The following RASAL2 variants were observed in gnomAD, a reference collection of about 807,000 sequenced individuals.
RASAL2 encodes the protein ras GTPase-activating protein nGAP.
Under a neutral mutation model 128.9 loss-of-function variants are expected in RASAL2, and 58 were observed. The ratio of observed to expected loss-of-function variants is 0.45; its 90% CI spans 0.36 to 0.56. The LOEUF (loss-of-function observed/expected upper bound fraction) is 0.56, where lower values mean the gene tolerates loss of function less well. Ranked by LOEUF, RASAL2 falls within the 20% of genes least tolerant of loss-of-function variation. The probability of loss-of-function intolerance (pLI) is 0.00; values close to 1 mark genes in which losing one functional copy is unlikely to be tolerated. For synonymous variants in RASAL2, 561 were observed against 580.8 expected (o/e 0.97, Z 0.49); for missense variants, 1,360 against 1,601.6 (o/e 0.85, Z 2.57).
At chr1:178,292,896 G>C (rs890674099) in intron 2 of RASAL2, among the ~76,000 whole-genome samples, 11 of 152,118 alleles carry the variant, frequency 7.2e-5, no homozygotes, top group African/African-American at 2.7e-4. Context: ...TTTAAGGCTG[G>C]ATTCTGGTGT....
chr1:178,326,493 A>C (rs1189399046), intron 3 of RASAL2, among the ~76,000 whole-genome samples: 1 of 152,136 alleles, frequency 6.6e-6, no homozygotes, highest in East Asian at 1.9e-4. Flanking sequence ...TTCAGAATTG[A>C]TTATTGTACT....
chr1:178,137,286 T>C (rs2102321647), intron 1 of RASAL2, among the ~76,000 whole-genome samples: 1 of 152,268 alleles, frequency 6.6e-6, no homozygotes, highest in East Asian at 1.9e-4. Context: ...GTAAGAAACT[T>C]AAAAATAACT....
intron 6 of RASAL2, among the ~76,000 whole-genome samples, chr1:178,441,074 G>A (rs538344859): frequency 1.6e-5 from 2 of 125,974 alleles, no homozygotes; most frequent in African/African-American, 6.0e-5. Context: ...ATTTAAAATG[G>A]CCTTTGTTCT....
intron 17 of RASAL2, 107 bp downstream of exon 17, chr1:178,467,528 G>A (rs1463997221): frequency 2.3e-6 from 2 of 881,342 alleles, no homozygotes; most frequent in Admixed American, 3.9e-5. Flanking sequence ...ATGTGTCATT[G>A]AAAAGTTCTA....
intron 2 of RASAL2, among the ~76,000 whole-genome samples, chr1:178,288,722 C>T (rs1319008712): frequency 1.4e-5 from 2 of 140,266 alleles, no homozygotes; most frequent in African/African-American, 5.4e-5. Context: ...GCAATCTCAG[C>T]TCACTGCAAT....
At chr1:178,277,956 CTG>C (rs1447574320) in intron 1 of RASAL2, among the ~76,000 whole-genome samples, 1 of 152,158 alleles carries the variant, frequency 6.6e-6, no homozygotes, top group East Asian at 1.9e-4. Flanking sequence ...AGTGTAGTGT[CTG>C]TTATTGTGAG....
intron 3 of RASAL2, among the ~76,000 whole-genome samples, chr1:178,339,507 G>A (rs916569108): frequency 1.3e-5 from 2 of 152,114 alleles, no homozygotes; most frequent in Non-Finnish European, 2.9e-5. Flanking sequence ...GAAAGTGGCC[G>A]AAATTCATGT....
intron 3 of RASAL2, among the ~76,000 whole-genome samples, chr1:178,303,342 A>G (rs775498818): frequency 6.6e-6 from 1 of 152,166 alleles, no homozygotes; most frequent in African/African-American, 2.4e-5. Flanking sequence ...GATCTTGGAT[A>G]AAGAAAGATT....
intron 5 of RASAL2, among the ~76,000 whole-genome samples, chr1:178,431,149 T>C (rs145870111): frequency 3.9e-5 from 6 of 152,210 alleles, no homozygotes; most frequent in Non-Finnish European, 8.8e-5. Flanking sequence ...TCTTGGAATT[T>C]AAAAACCCTT....
At chr1:178,149,381 G>C (rs1369920131) in intron 1 of RASAL2, among the ~76,000 whole-genome samples, 1 of 151,960 alleles carries the variant, frequency 6.6e-6, no homozygotes, top group African/African-American at 2.4e-5. Context: ...TCTGGCTGTT[G>C]TACAAATTGT....
chr1:178,399,434 A>G (rs572485895), intron 4 of RASAL2, among the ~76,000 whole-genome samples: 2 of 152,206 alleles, frequency 1.3e-5, no homozygotes, highest in South Asian at 2.1e-4. Flanking sequence ...CCAGGTACCT[A>G]GTGAGTTGTA....
chr1:178,393,449 A>G (rs1673033033), intron 4 of RASAL2, among the ~76,000 whole-genome samples: 1 of 152,144 alleles, frequency 6.6e-6, no homozygotes, highest in African/African-American at 2.4e-5. Flanking sequence ...ATGTGCTCCT[A>G]TGAGAATCTA....
At chr1:178,322,314 T>C (rs1165574399) in intron 3 of RASAL2, among the ~76,000 whole-genome samples, 1 of 152,198 alleles carries the variant, frequency 6.6e-6, no homozygotes, top group African/African-American at 2.4e-5. Flanking sequence ...CTAAAGGTCT[T>C]ATCCTTACCC....
At chr1:178,192,368 G>A (rs958361984) in intron 1 of RASAL2, among the ~76,000 whole-genome samples, 3 of 152,140 alleles carry the variant, frequency 2.0e-5, no homozygotes, top group African/African-American at 7.2e-5. Flanking sequence ...AAATGCATTA[G>A]GTAGAAGTGC....
At chr1:178,261,929 A>G (rs1665716619) in intron 1 of RASAL2, among the ~76,000 whole-genome samples, 1 of 151,588 alleles carries the variant, frequency 6.6e-6, no homozygotes, top group Non-Finnish European at 1.5e-5. Flanking sequence ...AAAAAAAAAA[A>G]GTGTTGATGT....
At position 178,458,505 on chromosome 1, in the gene RASAL2, T is replaced by C; in HGVS notation, c.3213T>C (p.Val1071=). Residue 1071 remains valine (V), a synonymous_variant, in exon 14 of 18, where the codon GTT becomes GTC. Transcript: ENST00000367649. ...CCTCTTCCTCCAGAGAGAGCCCTGT[T>C]CCCAAAGTTAGAGCAATCCAGAGAC... The part of the protein sequence containing the change: ...QQSSSSRESP[V]PKVRAIQRQQ... 3.1e-6 allele frequency: 5 copies of C among 1,613,522 alleles called. No homozygotes were observed. Among genetic ancestry groups the C allele is most frequent in the Non-Finnish European group, 3.4e-6 (4 of 1,179,718 alleles).
intron 9 of RASAL2, among the ~76,000 whole-genome samples, chr1:178,447,509 A>T (rs2102867397): frequency 6.6e-6 from 1 of 150,652 alleles, no homozygotes; most frequent in African/African-American, 2.4e-5. Flanking sequence ...CCCCATCTCT[A>T]CTAAAAATAC....
intron 1 of RASAL2, among the ~76,000 whole-genome samples, chr1:178,229,656 CATTG>C (rs762579249): frequency 2.0e-5 from 3 of 152,010 alleles, no homozygotes; most frequent in Admixed American, 6.6e-5. Context: ...GTCACTTGCT[CATTG>C]ATTGATTGAT....
At position 178,186,898 on chromosome 1, in the gene RASAL2, A is replaced by T. The variant is rs544040159; in HGVS notation, c.202+92204A>T. Among the ~76,000 whole-genome samples, 24 of 151,646 alleles carry T rather than the reference A, an allele frequency of 1.6e-4. No individual in the cohort carries two copies. In the South Asian group the frequency reaches 4.2e-3, roughly 26 times the overall value. The stretch of plus-strand genomic sequence containing the variant: ...GATGACAGTGGTACAATCATAGCTC[A>T]CTTCAGCCTCCAACTCCTGGGCTCT... On this transcript the variant is annotated intron_variant, in intron 1 of 17. Transcript: ENST00000367649.
Sources: allele counts gnomAD v4.1 joint callset (sites outside exome capture counted in the v4.1 genomes callset), GRCh38; gene constraint gnomAD v4.1.1; transcripts MANE v1.5; gene names NCBI Gene and HGNC (gene_info 2026-07-23, HGNC 2026-07-21).